CDH12: variants seen among roughly 807,000 people sequenced by gnomAD.
CDH12 encodes the protein cadherin 12.
In CDH12, 41 loss-of-function variants were observed where a neutral mutation model predicts 74.1. The observed-to-expected ratio is 0.55, with a 90% CI of 0.43 to 0.72. The LOEUF is 0.72. Among genes scored for constraint, CDH12 ranks in the 30% least tolerant of loss-of-function variants. The probability of loss-of-function intolerance (pLI) is 0.00; values close to 1 mark genes in which losing one functional copy is unlikely to be tolerated. For missense variants in CDH12, 945 were observed against 977.2 expected (o/e 0.97, Z 0.44); for synonymous variants, 399 against 355.0 (o/e 1.12, Z -1.39).
chr5:22,481,287 C>T (rs1031897366), intron 2 of CDH12, among the ~76,000 whole-genome samples: 2 of 152,170 alleles, frequency 1.3e-5, no homozygotes, highest in Non-Finnish European at 2.9e-5. Flanking sequence ...GAAAACAGTA[C>T]AGCGTTTTCT....
chr5:22,273,595 A>T (rs1736500406), intron 3 of CDH12, among the ~76,000 whole-genome samples: 1 of 152,180 alleles, frequency 6.6e-6, no homozygotes, highest in Admixed American at 6.5e-5. Flanking sequence ...GATTGATGAG[A>T]ACTCTCAGCG....
chr5:22,768,424 G>C (rs966936254), intron 1 of CDH12, among the ~76,000 whole-genome samples: 14 of 152,070 alleles, frequency 9.2e-5, no homozygotes, highest in Non-Finnish European at 1.5e-4. Context: ...ACACAATTTT[G>C]AAAGAATTGA....
intron 3 of CDH12, among the ~76,000 whole-genome samples, chr5:22,236,601 G>T (rs1752568310): frequency 6.6e-6 from 1 of 152,046 alleles, no homozygotes; most frequent in Admixed American, 6.6e-5. Context: ...CAAAAAATTA[G>T]CTGGACATTC....
intron 5 of CDH12, among the ~76,000 whole-genome samples, chr5:21,977,920 G>A (rs1442347298): frequency 6.6e-6 from 1 of 151,806 alleles, no homozygotes; most frequent in African/African-American, 2.4e-5. Flanking sequence ...AGTGATCTGC[G>A]TTGACAGGTA....
In CDH12 at chr5:22,078,519, T is replaced by C. The variant is rs771408826; in HGVS notation, c.158A>G (p.Lys53Arg). Residue 53 changes from lysine to arginine, a missense_variant, in exon 5 of 15, where the codon AAA becomes AGA. Physicochemically the swap from Lys to Arg is conservative, Grantham distance 26. This residue lies in a region of CDH12 where 148 missense variants were observed against 162.8 expected (regional missense o/e 0.91). Transcript: ENST00000382254. ...AAATTGATTCCATACCCAGCCACGT[T>C]TAACACGTTGGAAATGTGACCGTTG... ...PGQRSHFQRV[K>R]RGWVWNQFFV... is the part of the protein sequence containing the mutation. 5 of 1,613,984 alleles carry C rather than the reference T, an allele frequency of 3.1e-6. No homozygotes were observed. Among genetic ancestry groups the C allele is most frequent in the Non-Finnish European group, 4.2e-6 (5 of 1,179,868 alleles).
At chr5:22,588,507 G>C (rs1294852315) in intron 1 of CDH12, among the ~76,000 whole-genome samples, 1 of 152,116 alleles carries the variant, frequency 6.6e-6, no homozygotes, top group Non-Finnish European at 1.5e-5. Context: ...TGAGGTACTG[G>C]TTTGGGATTA....
intron 1 of CDH12, among the ~76,000 whole-genome samples, chr5:22,832,847 G>A (rs1736677629): frequency 6.6e-6 from 1 of 152,074 alleles, no homozygotes; most frequent in Non-Finnish European, 1.5e-5. Context: ...GCACTTCAGA[G>A]GCCCAATAAT....
intron 6 of CDH12, chr5:21,884,453 G>A (rs1354703475): frequency 3.4e-5 from 23 of 682,552 alleles, no homozygotes; most frequent in Non-Finnish European, 5.8e-5. Context: ...ATCAGTTACT[G>A]GTTTCAGTTG....
intron 11 of CDH12, among the ~76,000 whole-genome samples, chr5:21,777,101 T>C (rs1328296162): frequency 6.6e-6 from 1 of 152,224 alleles, no homozygotes; most frequent in Non-Finnish European, 1.5e-5. Flanking sequence ...AAACATAAAG[T>C]TATTTAATAA....
rs1489645036 is a variant in CDH12, at chr5:22,698,715, ATATATATATATATATATATAGT to A, written c.-523+154321_-523+154342del. On this transcript the variant is annotated intron_variant, in intron 1 of 14. Coordinates refer to ENST00000382254, the MANE Select transcript of CDH12 (RefSeq NM_004061.5). ...TATATATATATATATATATATATAT[ATATATATATATATATATATAGT>A]GTGTGTGTGTGTGTGTGTGTGTGTG... is the stretch of plus-strand genomic sequence containing the variant. Among the ~76,000 whole-genome samples, 324 of 35,500 alleles carry A rather than the reference ATATATATATATATATATATAGT, an allele frequency of 9.1e-3. 16 individuals carry two copies. Among genetic ancestry groups the A allele is most frequent in the Admixed American group, 0.012 (39 of 3,178 alleles). 23.3% of individuals were successfully genotyped at this position (35,500 alleles called of 152,430 possible). A position where few individuals can be genotyped will look rare whatever the true frequency, so the allele number is the denominator to read the frequency against.
chr5:22,386,348 C>A (rs952193326), intron 3 of CDH12, among the ~76,000 whole-genome samples: 2 of 152,156 alleles, frequency 1.3e-5, no homozygotes, highest in South Asian at 2.1e-4. Flanking sequence ...AGACACAAAT[C>A]CAAGCCATAC....
At chr5:21,850,831 T>C (rs986212505) in intron 7 of CDH12, among the ~76,000 whole-genome samples, 2 of 151,388 alleles carry the variant, frequency 1.3e-5, no homozygotes, top group Non-Finnish European at 3.0e-5. Context: ...TCTCACTCAA[T>C]TGTTTTTTTT....
intron 4 of CDH12, among the ~76,000 whole-genome samples, chr5:22,110,991 G>C (rs1744780787): frequency 6.6e-6 from 1 of 152,160 alleles, no homozygotes. Flanking sequence ...TTTTCTCACT[G>C]TATAGTTTTC....
At chr5:21,996,714 A>G (rs1174314549) in intron 5 of CDH12, among the ~76,000 whole-genome samples, 3 of 152,204 alleles carry the variant, frequency 2.0e-5, no homozygotes, top group Non-Finnish European at 4.4e-5. Context: ...GTTAAAAATA[A>G]AACAAGTTTT....
chr5:21,787,218 G>T (rs1481564541), intron 10 of CDH12, among the ~76,000 whole-genome samples: 4 of 152,152 alleles, frequency 2.6e-5, no homozygotes, highest in Admixed American at 2.6e-4. Flanking sequence ...ATGCTGCAGA[G>T]AAATACTTTG....
intron 1 of CDH12, among the ~76,000 whole-genome samples, chr5:22,636,787 T>C (rs928341675): frequency 1.3e-5 from 2 of 152,242 alleles, no homozygotes; most frequent in African/African-American, 4.8e-5. Flanking sequence ...CATTACATTT[T>C]ATACTTTAAC....
chr5:22,611,838 G>C (rs918311706), intron 1 of CDH12, among the ~76,000 whole-genome samples: 5 of 152,106 alleles, frequency 3.3e-5, no homozygotes, highest in African/African-American at 1.2e-4. Flanking sequence ...ACACAGAAGA[G>C]TGCAGAGTGG....
chr5:22,035,427 G>A (rs894025426), intron 5 of CDH12, among the ~76,000 whole-genome samples: 1 of 151,802 alleles, frequency 6.6e-6, no homozygotes, highest in Non-Finnish European at 1.5e-5. Context: ...TTAACTACCG[G>A]CATCCAACCT....
At chr5:22,224,062 T>C (rs991966382) in intron 3 of CDH12, among the ~76,000 whole-genome samples, 2 of 151,978 alleles carry the variant, frequency 1.3e-5, no homozygotes, top group African/African-American at 4.8e-5. Flanking sequence ...AAGTGAGTAA[T>C]TGAAAGTTTT....
Sources: gnomAD v4.1 joint callset for allele counts (sites outside exome capture counted in the v4.1 genomes callset) on GRCh38, gnomAD v4.1.1 for gene constraint, gnomAD v4.1.1 regional missense constraint, MANE v1.5 for transcripts, NCBI Gene and HGNC (gene_info 2026-07-23, HGNC 2026-07-21) for gene names.